The following PTK2 variants were observed in gnomAD, a reference collection of about 807,000 sequenced individuals.
PTK2 encodes the protein protein tyrosine kinase 2.
In PTK2, 45 loss-of-function variants were observed where a neutral mutation model predicts 150.1. That is an observed-to-expected ratio of 0.30 (90% confidence interval 0.24 to 0.38). The LOEUF (loss-of-function observed/expected upper bound fraction) is 0.38. Ranked by LOEUF, PTK2 falls within the 10% of genes least tolerant of loss-of-function variation. The pLI, the probability that PTK2 is intolerant of heterozygous loss-of-function variation, is 1.00. For synonymous variants in PTK2, 432 were observed against 449.2 expected (o/e 0.96, Z 0.48); for missense variants, 919 against 1,307.3 (o/e 0.70, Z 4.58).
At chr8:140,753,960 C>G (rs187223599) in intron 16 of PTK2, among the ~76,000 whole-genome samples, 4 of 152,148 alleles carry the variant, frequency 2.6e-5, no homozygotes, top group African/African-American at 9.7e-5. Context: ...TTTAAAAATA[C>G]CTTAAATTGT....
At chr8:140,686,461 A>C (rs1287510049) in intron 27 of PTK2, among the ~76,000 whole-genome samples, 171 bp downstream of exon 30, 2 of 152,218 alleles carry the variant, frequency 1.3e-5, no homozygotes, top group South Asian at 2.1e-4. Context: ...TATCTGAATA[A>C]AAATTCTAGG....
intron 1 of PTK2, among the ~76,000 whole-genome samples, chr8:140,958,998 C>T (rs2100182156): frequency 6.6e-6 from 1 of 152,144 alleles, no homozygotes; most frequent in African/African-American, 2.4e-5. Flanking sequence ...TTCCCCGTTG[C>T]TCTACAATGT....
At chr8:140,919,338 GAA>G (rs532565225) in intron 2 of PTK2, among the ~76,000 whole-genome samples, 54 of 152,144 alleles carry the variant, frequency 3.5e-4, no homozygotes, top group Non-Finnish European at 7.1e-4. Context: ...AAACTTAATT[GAA>G]AAATAAGTTG....
At chr8:140,951,986 T>C (rs2154609123) in intron 1 of PTK2, among the ~76,000 whole-genome samples, 1 of 152,246 alleles carries the variant, frequency 6.6e-6, no homozygotes, top group Admixed American at 6.5e-5. Flanking sequence ...CTCACCTCTC[T>C]TTAGACTTTC....
At chr8:140,815,685 C>CA (rs1228600158) in intron 10 of PTK2, among the ~76,000 whole-genome samples, 2 of 151,830 alleles carry the variant, frequency 1.3e-5, no homozygotes, top group African/African-American at 4.8e-5. Flanking sequence ...CAAATAGTTG[C>CA]AAAAATTCTA....
At chr8:140,671,502 G>C (rs1371899218) in intron 29 of PTK2, among the ~76,000 whole-genome samples, 1 of 152,154 alleles carries the variant, frequency 6.6e-6, no homozygotes, top group Non-Finnish European at 1.5e-5. Context: ...TTACAGGCGT[G>C]AGCCACTGTG....
At chr8:140,753,054 C>A (rs1281881485) in intron 16 of PTK2, among the ~76,000 whole-genome samples, 1 of 152,124 alleles carries the variant, frequency 6.6e-6, no homozygotes, top group African/African-American at 2.4e-5. Flanking sequence ...CATTGGAGTA[C>A]CATGGCCTGA....
rs564440045 is a variant in PTK2 at position 140,817,358 on chromosome 8, C to T, written c.867+919G>A. Among the ~76,000 whole-genome samples, 40 of 152,120 alleles carry T rather than the reference C, an allele frequency of 2.6e-4. 1 individual carries two copies. The South Asian group carries it at 8.3e-3, about 32-fold the overall frequency. On this transcript the variant is annotated intron_variant, in intron 10 of 31. Transcript: ENST00000522684. ...CACTTGGAAAAAAGCAGGTCAGACA[C>T]GGTTTGGCACATTTATATATGTATA...
At chr8:140,771,235 A>G (rs1458348274) in intron 14 of PTK2, 2 of 153,276 alleles carry the variant, frequency 1.3e-5, no homozygotes, top group African/African-American at 2.4e-5. Context: ...ATCATTAGCA[A>G]AGACACACTC....
At chr8:140,756,226 G>A (rs2100065598) in intron 16 of PTK2, among the ~76,000 whole-genome samples, 1 of 151,780 alleles carries the variant, frequency 6.6e-6, no homozygotes, top group African/African-American at 2.4e-5. Context: ...GGGAGGCTGA[G>A]GCAGGAGAAT....
intron 14 of PTK2, among the ~76,000 whole-genome samples, chr8:140,771,954 ATT>A (rs61154851): frequency 8.9e-4 from 130 of 145,286 alleles, no homozygotes; most frequent in Admixed American, 1.5e-3. Flanking sequence ...TAATTTTTGT[ATT>A]TTTTTTTTTT....
intron 10 of PTK2, among the ~76,000 whole-genome samples, chr8:140,810,015 G>A (rs186621200): frequency 6.6e-6 from 1 of 152,166 alleles, no homozygotes; most frequent in Non-Finnish European, 1.5e-5. Context: ...TGGGCTGAAG[G>A]GGGAGGAAGC....
chr8:140,764,397 T>C (rs770759811), intron 14 of PTK2, 107 bp from the exon 17 acceptor site: 3 of 823,986 alleles, frequency 3.6e-6, no homozygotes, highest in Admixed American at 2.3e-5. Flanking sequence ...TCTACTACGC[T>C]GAAATATTCT....
At chr8:140,852,676 T>G (rs2100130061) in intron 5 of PTK2, among the ~76,000 whole-genome samples, 1 of 152,228 alleles carries the variant, frequency 6.6e-6, no homozygotes, top group African/African-American at 2.4e-5. Context: ...GTGTATATGT[T>G]GTATGGGAAA....
chr8:140,891,502 G>A (rs1265808467), intron 2 of PTK2, among the ~76,000 whole-genome samples: 1 of 152,194 alleles, frequency 6.6e-6, no homozygotes, highest in African/African-American at 2.4e-5. Context: ...CCAAGACAAT[G>A]AGTGACACAG....
chr8:140,925,721 TG>T (rs2100169196), exon 2 of PTK2: 31 of 948,918 alleles, frequency 3.3e-5, no homozygotes, highest in South Asian at 1.9e-4. Context: ...AATTTGTAAC[TG>T]GAAGATGCAA....
At chr8:140,676,412 TAA>T (rs2100013721) in intron 27 of PTK2, among the ~76,000 whole-genome samples, 1 of 15,818 alleles carries the variant, frequency 6.3e-5, no homozygotes, top group Non-Finnish European at 1.3e-4. Flanking sequence ...ATTAATTAAT[TAA>T]TATATATATT....
intron 2 of PTK2, chr8:140,920,861 T>C (rs1291382924): frequency 3.3e-6 from 5 of 1,529,068 alleles, no homozygotes; most frequent in East Asian, 2.5e-5. Flanking sequence ...TTTCTCCATA[T>C]AGATGGCACC....
intron 25 of PTK2, among the ~76,000 whole-genome samples, 199 bp from the exon 29 acceptor site, chr8:140,701,221 T>A (rs956500576): frequency 1.3e-5 from 2 of 152,200 alleles, no homozygotes; most frequent in African/African-American, 4.8e-5. Flanking sequence ...AAGTATGCAA[T>A]CCTTTAGCTC....
Sources: gnomAD v4.1 joint callset for allele counts (sites outside exome capture counted in the v4.1 genomes callset) on GRCh38, gnomAD v4.1.1 for gene constraint, MANE v1.5 for transcripts, NCBI Gene and HGNC (gene_info 2026-07-23, HGNC 2026-07-21) for gene names.